ANKRD23: variants seen among roughly 807,000 people sequenced by gnomAD.
The protein encoded by ANKRD23 is ankyrin repeat domain 23.
In ANKRD23, 52 loss-of-function variants were observed where a neutral mutation model predicts 38.1. That is an observed-to-expected ratio of 1.36 (90% CI 1.09 to 1.72). ANKRD23 has a LOEUF of 1.72. Among genes scored for constraint, ANKRD23 ranks in the 40% most tolerant of loss-of-function variants. The pLI is 0.00. For missense variants in ANKRD23, 416 were observed against 400.2 expected, an observed-to-expected ratio of 1.04 and a Z score of -0.34; for synonymous variants, 167 against 162.9, an observed-to-expected ratio of 1.03 and a Z score of -0.19.
At chr2:96,840,996 G>C in intron 3 of ANKRD23, 84 bp from the exon 4 acceptor site, 1 of 1,543,148 alleles carries the variant, frequency 6.5e-7, no homozygotes, top group Non-Finnish European at 8.8e-7. Context: ...CTGGCCCACG[G>C]GTCCCATGCA....
intron 4 of ANKRD23, 91 bp downstream of exon 4, chr2:96,840,696 C>T (rs2079750191): frequency 6.4e-7 from 1 of 1,573,332 alleles, no homozygotes. Flanking sequence ...GTGAAAATCC[C>T]TGCAGCCTCC....
Position 96,839,282 on chromosome 2 carries a change from G to A in ANKRD23, c.*267C>T. 8.3e-7 allele frequency: 1 copy of A among 1,209,972 alleles called. No homozygotes were observed. The highest frequency in any genetic ancestry group is 3.3e-4 in the Middle Eastern group (1 of 3,076). The allele number at this position is 1,209,972 out of a possible 1,614,324, so 75.0% of individuals were successfully genotyped here. On this transcript the variant is annotated 3_prime_UTR_variant, in exon 9 of 9. Transcript: ENST00000318357. Reference sequence around the variant, plus strand: ...TCCTCCCCTTCCTGGCCCTCATCTGGACCCGCGCTTTCTGCTGCCTTGTGG... The same window carrying A: ...TCCTCCCCTTCCTGGCCCTCATCTGAACCCGCGCTTTCTGCTGCCTTGTGG...
rs906222466 is a variant in ANKRD23 at position 96,841,074 on chromosome 2, G to T, written c.301-162C>A. On this transcript the variant is annotated intron_variant, in intron 3 of 8. Coordinates refer to ENST00000318357, the MANE Select transcript of ANKRD23 (RefSeq NM_144994.8). ...TATTCTAATCCCACGCCAGGAGATT[G>T]AATAGACTGTGTGTGTGTGAGCGTG... is the stretch of plus-strand genomic sequence containing the variant. 1.5e-5 allele frequency: 12 copies of T among 819,032 alleles called. No homozygotes were observed. In the Admixed American group the frequency reaches 3.5e-4, roughly 24 times the overall value. The allele number at this position is 819,032 out of a possible 1,614,324, so 50.7% of individuals were successfully genotyped here.
intron 1 of ANKRD23, among the ~76,000 whole-genome samples, chr2:96,842,742 G>A (rs918068036): frequency 5.9e-5 from 9 of 152,228 alleles, no homozygotes; most frequent in South Asian, 2.1e-4. Context: ...GGGGGACAAC[G>A]GATCCCCGCC....
In ANKRD23 at chr2:96,838,363, C is replaced by T; in HGVS notation, c.*1186G>A. On this transcript the variant is annotated 3_prime_UTR_variant, in exon 9 of 9. Coordinates refer to ENST00000318357, the MANE Select transcript of ANKRD23 (RefSeq NM_144994.8). ...TTTCTGGCGTTTAGGGGCCCAGCCCCACCAGCAGTACAGGCCTACACCAGT... is the reference window on the plus strand; with the variant it reads ...TTTCTGGCGTTTAGGGGCCCAGCCCTACCAGCAGTACAGGCCTACACCAGT... 1 of 988,148 alleles carries T rather than the reference C, an allele frequency of 1.0e-6. No homozygotes were observed. Among genetic ancestry groups the T allele is most frequent in the Non-Finnish European group, 1.2e-6 (1 of 830,184 alleles). 61.2% of individuals were successfully genotyped at this position (988,148 alleles called of 1,614,324 possible).
chr2:96,840,419 G>C lies in ANKRD23; in HGVS notation c.522C>G (p.Asp174Glu), dbSNP rs1574127932. 6.2e-7 allele frequency: 1 copy of C among 1,614,012 alleles called. No individual in the cohort carries two copies. The highest frequency in any genetic ancestry group is 1.3e-5 in the African/African-American group (1 of 75,068). Residue 174 changes from aspartate to glutamate, a missense_variant, in exon 5 of 9, where the codon GAC becomes GAG. By Grantham distance (45) the Asp-to-Glu change is conservative. Coordinates refer to ENST00000318357, the MANE Select transcript of ANKRD23 (RefSeq NM_144994.8). ...LVAGATVDARDLLDRTPVFWA... is the reference protein window; with the variant it reads ...LVAGATVDARELLDRTPVFWA... Reference sequence around the variant, plus strand: ...CTGGGCCTTTCCCCATCCTCACCAAGTCTCGCGCGTCCACTGTGGCACCTG... The same window carrying C: ...CTGGGCCTTTCCCCATCCTCACCAACTCTCGCGCGTCCACTGTGGCACCTG...
Position 96,839,712 on chromosome 2 carries a change from T to C in ANKRD23, c.822+15A>G, listed in dbSNP as rs575883381. The C allele has an allele frequency of 1.4e-5, 22 of 1,611,552 alleles. No homozygotes were observed. In the South Asian group the frequency reaches 2.2e-4, roughly 16 times the overall value. ...CCGCCCTCGGGTCAGGAGCCAGGGC[T>C]GCGCCCACACTCACCGCGTTCCGCA... On this transcript the variant is annotated intron_variant, in intron 8 of 8. Coordinates refer to ENST00000318357, the MANE Select transcript of ANKRD23 (RefSeq NM_144994.8).
rs377168591 is a variant in ANKRD23 at position 96,840,314 on chromosome 2, A to C, written c.542T>G (p.Val181Gly). ...DARDLLDRTP[V>G]FWACRGGHLV... Reference sequence around the variant, plus strand: ...ATGTCCTCCGCGGCAGGCCCAGAACACAGGTGTCCTGTCCAGCTGCAAAAC... The same window carrying C: ...ATGTCCTCCGCGGCAGGCCCAGAACCCAGGTGTCCTGTCCAGCTGCAAAAC... Residue 181 changes from valine to glycine, a missense_variant, in exon 6 of 9, where the codon GTG (valine) becomes GGG (glycine). Transcript: ENST00000318357. 3.4e-5 allele frequency: 55 copies of C among 1,608,180 alleles called. No individual in the cohort carries two copies. Among genetic ancestry groups the C allele is most frequent in the Non-Finnish European group, 4.7e-5 (55 of 1,176,998 alleles).
rs1224451388 is a variant in ANKRD23 at position 96,840,799 on chromosome 2, A to T, written c.414T>A (p.Asn138Lys). 1.2e-6 allele frequency: 2 copies of T among 1,614,024 alleles called. No homozygotes were observed. The highest frequency in any genetic ancestry group is 2.2e-5 in the East Asian group (1 of 44,884). The part of the protein sequence containing the change: ...DKYLTDGGDP[N>K]AHDKLHRTAL... The stretch of plus-strand genomic sequence containing the variant: ...CAACCTGTGCTACCTTGTCATGGGC[A>T]TTGGGGTCCCCTCCGTCTGTCAAGT... Residue 138 changes from asparagine to lysine, a missense_variant, in exon 4 of 9, where the codon AAT (asparagine) becomes AAA (lysine). Physicochemically the swap from Asn to Lys is moderately conservative, Grantham distance 94 (BLOSUM62 0). Coordinates refer to ENST00000318357, the MANE Select transcript of ANKRD23 (RefSeq NM_144994.8).
In ANKRD23 at chr2:96,838,378, C is replaced by T; in HGVS notation, c.*1171G>A. The T allele has an allele frequency of 1.0e-6, 1 of 988,182 alleles. No homozygotes were observed. Among genetic ancestry groups the T allele is most frequent in the Non-Finnish European group, 1.2e-6 (1 of 830,196 alleles). The allele number at this position is 988,182 out of a possible 1,614,324, so 61.2% of individuals were successfully genotyped here. A position where few individuals can be genotyped will look rare whatever the true frequency, so the allele number is the denominator to read the frequency against. On this transcript the variant is annotated 3_prime_UTR_variant, in exon 9 of 9. Transcript: ENST00000318357. ...GGCCCAGCCCCACCAGCAGTACAGG[C>T]CTACACCAGTGTAATTTGAAACGTA...
rs763448108 is a variant in ANKRD23, at chr2:96,839,520, G to C, written c.*29C>G. 2 of 1,427,000 alleles carry C rather than the reference G, an allele frequency of 1.4e-6. No individual in the cohort carries two copies. The highest frequency in any genetic ancestry group is 1.5e-5 in the South Asian group (1 of 66,196). The allele number at this position is 1,427,000 out of a possible 1,614,324, so 88.4% of individuals were successfully genotyped here. Reference sequence around the variant, plus strand: ...GCACAGGATGGAATGGTGGCAGTGCGAAAGGCGCGGCGGGGGGCGGTGCTG... The same window carrying C: ...GCACAGGATGGAATGGTGGCAGTGCCAAAGGCGCGGCGGGGGGCGGTGCTG... On this transcript the variant is annotated 3_prime_UTR_variant, in exon 9 of 9. Coordinates refer to ENST00000318357, the MANE Select transcript of ANKRD23 (RefSeq NM_144994.8).
chr2:96,842,351 C>A lies in ANKRD23; in HGVS notation c.174+14G>T. ...AGCCACTGCCCCCAACCCCGGCCCCCGCCCCTCTCTCACTTTCTTCTTCTT... is the reference window on the plus strand; with the variant it reads ...AGCCACTGCCCCCAACCCCGGCCCCAGCCCCTCTCTCACTTTCTTCTTCTT... On this transcript the variant is annotated intron_variant, in intron 2 of 8. Transcript: ENST00000318357. 6.2e-7 allele frequency: 1 copy of A among 1,602,322 alleles called. No individual in the cohort carries two copies.
chr2:96,838,903 A>G lies in ANKRD23; in HGVS notation c.*646T>C, dbSNP rs1186414872. On this transcript the variant is annotated 3_prime_UTR_variant, in exon 9 of 9. Coordinates refer to ENST00000318357, the MANE Select transcript of ANKRD23 (RefSeq NM_144994.8). ...CTCAAACCTGTTGAGTAGCCACCTC[A>G]GATGACCAGAACCCACCTCCAGAGT... 2 of 985,248 alleles carry G rather than the reference A, an allele frequency of 2.0e-6. No individual in the cohort carries two copies. The highest frequency in any genetic ancestry group is 3.5e-5 in the African/African-American group (2 of 57,244). 61.0% of individuals were successfully genotyped at this position (985,248 alleles called of 1,614,324 possible).
Position 96,839,274 on chromosome 2 carries a change from C to T in ANKRD23, c.*275G>A, listed in dbSNP as rs2079728861. The stretch of plus-strand genomic sequence containing the variant: ...CCTCACTCTCCTCCCCTTCCTGGCC[C>T]TCATCTGGACCCGCGCTTTCTGCTG... On this transcript the variant is annotated 3_prime_UTR_variant, in exon 9 of 9. Transcript: ENST00000318357. 2.6e-5 allele frequency: 31 copies of T among 1,198,564 alleles called. No individual in the cohort carries two copies. Among genetic ancestry groups the T allele is most frequent in the South Asian group, 4.1e-5 (1 of 24,364 alleles). 74.2% of individuals were successfully genotyped at this position (1,198,564 alleles called of 1,614,324 possible).
In ANKRD23 at chr2:96,838,960, G is replaced by T. The variant is rs1488982221; in HGVS notation, c.*589C>A. ...GACCAAAGTTGTCTAGAGCCGCTCC[G>T]GACACTGCCAGGGTTGCTACTGACA... On this transcript the variant is annotated 3_prime_UTR_variant, in exon 9 of 9. Coordinates refer to ENST00000318357, the MANE Select transcript of ANKRD23 (RefSeq NM_144994.8). 2 of 985,562 alleles carry T rather than the reference G, an allele frequency of 2.0e-6. No individual in the cohort carries two copies. Among genetic ancestry groups the T allele is most frequent in the Admixed American group, 6.1e-5 (1 of 16,266 alleles). 61.1% of individuals were successfully genotyped at this position (985,562 alleles called of 1,614,324 possible).
rs939214919 is a variant in ANKRD23 at position 96,840,780 on chromosome 2, G to C, written c.426+7C>G. 1.4e-5 allele frequency: 23 copies of C among 1,614,124 alleles called. No individual in the cohort carries two copies. Among genetic ancestry groups the C allele is most frequent in the Non-Finnish European group, 1.8e-5 (21 of 1,180,010 alleles). On this transcript the variant is annotated splice_region_variant and intron_variant, in intron 4 of 8. Transcript: ENST00000318357. ...TGCTGCCAGCCGACTCACCCAACCT[G>C]TGCTACCTTGTCATGGGCATTGGGG...
rs1206112095 is a variant in ANKRD23, at chr2:96,842,156, A to G, written c.204T>C (p.Asn68=). 2 of 1,614,042 alleles carry G rather than the reference A, an allele frequency of 1.2e-6. No individual in the cohort carries two copies. Among genetic ancestry groups the G allele is most frequent in the African/African-American group, 2.7e-5 (2 of 74,908 alleles). ...TTTCCAAGTCAGCCAGGTTATCCAG[A>G]TTAAATCTGGTACTGTTAAATCTTT... ...KLERFNSTRF[N]LDNLADLENL... Residue 68 remains asparagine, a synonymous_variant, in exon 3 of 9, where the codon AAT becomes AAC. Coordinates refer to ENST00000318357, the MANE Select transcript of ANKRD23 (RefSeq NM_144994.8).
At chr2:96,843,834 A>C in intron 1 of ANKRD23, 132 bp downstream of exon 1, 1 of 865,996 alleles carries the variant, frequency 1.2e-6, no homozygotes, top group South Asian at 2.0e-5. Context: ...ATTTTTATAA[A>C]AGAACTGCAT....
rs2079730195 is a variant in ANKRD23, at chr2:96,839,346, G to A, written c.*203C>T. 1 of 1,252,600 alleles carries A rather than the reference G, an allele frequency of 8.0e-7. No individual in the cohort carries two copies. Among genetic ancestry groups the A allele is most frequent in the South Asian group, 3.7e-5 (1 of 26,906 alleles). 77.6% of individuals were successfully genotyped at this position (1,252,600 alleles called of 1,614,324 possible). A position where few individuals can be genotyped will look rare whatever the true frequency, so the allele number is the denominator to read the frequency against. On this transcript the variant is annotated 3_prime_UTR_variant, in exon 9 of 9. Transcript: ENST00000318357. ...CCCTGGGAGGGAACGCGGCTCCCCT[G>A]ACACTCGAAGCCAGGGAGGCCTCTC...
Sources: gnomAD v4.1 joint callset for allele counts (sites outside exome capture counted in the v4.1 genomes callset) on GRCh38, gnomAD v4.1.1 for gene constraint, MANE v1.5 for transcripts, NCBI Gene and HGNC (gene_info 2026-07-23, HGNC 2026-07-21) for gene names.